HRH1: variants seen among roughly 807,000 people sequenced by gnomAD.
HRH1 encodes the protein histamine H1 receptor.
In HRH1, 6 loss-of-function variants were observed where a neutral mutation model predicts 10.3. That is an observed-to-expected ratio of 0.58 (90% confidence interval 0.32 to 1.15). HRH1 has a LOEUF of 1.15. Among genes scored for constraint, HRH1 ranks in the 50% most tolerant of loss-of-function variants. The pLI, the probability that HRH1 is intolerant of heterozygous loss-of-function variation, is 0.05. For synonymous variants in HRH1, 242 were observed against 236.7 expected (o/e 1.02, Z -0.21); for missense variants, 514 against 615.3 (o/e 0.84, Z 1.74).
At chr3:11,189,449 T>G (rs1937506147) in intron 1 of HRH1, among the ~76,000 whole-genome samples, 1 of 152,228 alleles carries the variant, frequency 6.6e-6, no homozygotes, top group Admixed American at 6.5e-5. Context: ...TCATTAGTCC[T>G]CAGTCAGTAG....
At chr3:11,180,139 T>G (rs933062328) in intron 1 of HRH1, among the ~76,000 whole-genome samples, 2 of 152,120 alleles carry the variant, frequency 1.3e-5, no homozygotes, top group African/African-American at 4.8e-5. Context: ...CTGAATTTGG[T>G]GGTTTTTAGT....
intron 1 of HRH1, among the ~76,000 whole-genome samples, chr3:11,147,973 T>C (rs1312089945): frequency 6.6e-6 from 1 of 151,990 alleles, no homozygotes; most frequent in Non-Finnish European, 1.5e-5. Flanking sequence ...CAAAGTCAAG[T>C]GATCAAGACC....
intron 1 of HRH1, among the ~76,000 whole-genome samples, chr3:11,174,556 C>T (rs1219331481): frequency 6.6e-6 from 1 of 152,152 alleles, no homozygotes; most frequent in East Asian, 1.9e-4. Flanking sequence ...AACACAGCTT[C>T]TGTGGTGAAA....
intron 1 of HRH1, among the ~76,000 whole-genome samples, chr3:11,169,148 G>C (rs913805323): frequency 6.6e-5 from 10 of 152,242 alleles, no homozygotes; most frequent in African/African-American, 2.4e-4. Context: ...ATGTGACTCG[G>C]AGCATGTCCC....
chr3:11,262,605 C>T lies in HRH1; in HGVS notation c.*2104C>T, dbSNP rs1185801407. On this transcript the variant is annotated 3_prime_UTR_variant, in exon 2 of 2. Coordinates refer to ENST00000431010, the MANE Select transcript of HRH1 (RefSeq NM_001098212.2). ...AGAAGACCTCCCTGTGAGAGAGTTG[C>T]TCCTCAGGGTCCCTCAGGACCAAAG... is the stretch of plus-strand genomic sequence containing the variant. The T allele has an allele frequency of 1.2e-5, 2 of 167,062 alleles. No individual in the cohort carries two copies. The highest frequency in any genetic ancestry group is 2.9e-5 in the Non-Finnish European group (2 of 68,116). The allele number at this position is 167,062 out of a possible 1,614,324, so 10.3% of individuals were successfully genotyped here.
chr3:11,188,075 A>G (rs927937726), intron 1 of HRH1, among the ~76,000 whole-genome samples: 39 of 152,188 alleles, frequency 2.6e-4, no homozygotes, highest in Admixed American at 2.2e-3. Context: ...TGTTTGGGGG[A>G]AAAATAGCCA....
intron 1 of HRH1, among the ~76,000 whole-genome samples, chr3:11,139,442 G>T (rs1458333290): frequency 6.6e-6 from 1 of 152,032 alleles, no homozygotes; most frequent in African/African-American, 2.4e-5. Flanking sequence ...ACCACGCCCA[G>T]CTAATTTTTA....
At chr3:11,251,095 CTGGGGGAGAAAACAGGGA>C (rs1372656983) in intron 1 of HRH1, among the ~76,000 whole-genome samples, 1 of 152,062 alleles carries the variant, frequency 6.6e-6, no homozygotes, top group Non-Finnish European at 1.5e-5. Context: ...TTCTTTTTCT[CTGGGGGAGAAAACAGGGA>C]CTGTAGCTGG....
At chr3:11,197,554 A>C (rs996402958) in intron 1 of HRH1, among the ~76,000 whole-genome samples, 3 of 152,234 alleles carry the variant, frequency 2.0e-5, no homozygotes, top group Non-Finnish European at 4.4e-5. Flanking sequence ...AAATGACCTC[A>C]GTGCCAATTT....
At chr3:11,227,468 G>C (rs1196627878) in intron 1 of HRH1, among the ~76,000 whole-genome samples, 1 of 151,816 alleles carries the variant, frequency 6.6e-6, no homozygotes, top group Non-Finnish European at 1.5e-5. Flanking sequence ...TGTATTTTTA[G>C]TGGAGACGAG....
At chr3:11,175,802 T>G (rs1937237450) in intron 1 of HRH1, among the ~76,000 whole-genome samples, 1 of 152,134 alleles carries the variant, frequency 6.6e-6, no homozygotes, top group Admixed American at 6.5e-5. Flanking sequence ...CAACCCATGG[T>G]GAGGCCCTGA....
chr3:11,220,408 G>T (rs543048285), intron 1 of HRH1, among the ~76,000 whole-genome samples: 7 of 152,204 alleles, frequency 4.6e-5, no homozygotes, highest in Non-Finnish European at 1.0e-4. Context: ...CTGAGGTGCA[G>T]TGTCCTGTTT....
intron 1 of HRH1, among the ~76,000 whole-genome samples, chr3:11,163,399 T>C (rs1436516839): frequency 2.0e-5 from 3 of 152,188 alleles, no homozygotes; most frequent in South Asian, 2.1e-4. Flanking sequence ...GATAAATGCA[T>C]TGGACAAGAG....
chr3:11,224,656 C>T (rs1281833170), intron 1 of HRH1, among the ~76,000 whole-genome samples: 1 of 150,884 alleles, frequency 6.6e-6, no homozygotes, highest in Non-Finnish European at 1.5e-5. Context: ...GCCGAGTATG[C>T]GCCACTGCAC....
chr3:11,162,555 C>T (rs545122135), intron 1 of HRH1, among the ~76,000 whole-genome samples: 9 of 147,026 alleles, frequency 6.1e-5, no homozygotes, highest in South Asian at 2.2e-4. Flanking sequence ...AACAGCTCTA[C>T]GAGATGCATA....
intron 1 of HRH1, among the ~76,000 whole-genome samples, chr3:11,235,327 C>A (rs1939151807): frequency 6.6e-6 from 1 of 152,166 alleles, no homozygotes; most frequent in Non-Finnish European, 1.5e-5. Context: ...ATATTTAAAT[C>A]TCCTGATTTA....
intron 1 of HRH1, among the ~76,000 whole-genome samples, chr3:11,189,221 ACCCTT>A (rs1559264547): frequency 6.6e-6 from 1 of 152,038 alleles, no homozygotes; most frequent in Admixed American, 6.5e-5. Context: ...CTAATGTATT[ACCCTT>A]CCGAGTCCAG....
intron 1 of HRH1, among the ~76,000 whole-genome samples, chr3:11,215,679 G>T (rs986443962): frequency 6.6e-6 from 1 of 152,188 alleles, no homozygotes; most frequent in African/African-American, 2.4e-5. Context: ...CTGACCTCGT[G>T]ATCCGCCCGC....
chr3:11,157,553 A>C (rs985287166), intron 1 of HRH1, among the ~76,000 whole-genome samples: 1 of 152,146 alleles, frequency 6.6e-6, no homozygotes, highest in Non-Finnish European at 1.5e-5. Context: ...TTCTGCCATT[A>C]ATGGTTGTAG....
Sources: allele counts gnomAD v4.1 joint callset (sites outside exome capture counted in the v4.1 genomes callset), GRCh38; gene constraint gnomAD v4.1.1; transcripts MANE v1.5; gene names NCBI Gene and HGNC (gene_info 2026-07-23, HGNC 2026-07-21).